Variants in FEZ1 observed in about 807,000 individuals in gnomAD.
FEZ1 encodes fasciculation and elongation protein zeta-1.
A neutral mutation model predicts 49.3 loss-of-function variants in FEZ1; 20 were observed. The ratio of observed to expected loss-of-function variants is 0.41; its 90% CI spans 0.29 to 0.59. FEZ1 has a LOEUF of 0.59. Among genes scored for constraint, FEZ1 ranks in the 20% least tolerant of loss-of-function variants. FEZ1 has a pLI of 0.36. For missense variants in FEZ1, 413 were observed against 476.0 expected, an observed-to-expected ratio of 0.87 and a Z score of 1.23; for synonymous variants, 170 against 180.9, an observed-to-expected ratio of 0.94 and a Z score of 0.48.
chr11:125,493,418 GAAA>G (rs1957411371), intron 1 of FEZ1, among the ~76,000 whole-genome samples: 2 of 38,472 alleles, frequency 5.2e-5, no homozygotes, highest in Admixed American at 2.9e-4. Flanking sequence ...AAGAAAGAAA[GAAA>G]GAAGGAAAGA....
rs1956870085 is a variant in FEZ1 at position 125,443,046 on chromosome 11, G to A, written c.*3049C>T. 6.6e-6 allele frequency among the ~76,000 whole-genome samples: 1 copy of A among 152,044 alleles called. No individual in the cohort carries two copies. Among genetic ancestry groups the A allele is most frequent in the Non-Finnish European group, 1.5e-5 (1 of 67,994 alleles). On this transcript the variant is annotated 3_prime_UTR_variant, in exon 10 of 10. Transcript: ENST00000278919. ...CCACCACGCCCGGCCCTGTGGTGGA[G>A]TTTTCTTACCAGAACTTGACCAGAC... is the stretch of plus-strand genomic sequence containing the variant.
At chr11:125,455,756 C>T (rs1342655895) in intron 6 of FEZ1, 79 bp downstream of exon 6, 1 of 1,458,084 alleles carries the variant, frequency 6.9e-7, no homozygotes, top group Non-Finnish European at 9.6e-7. Context: ...GATGAGTCCC[C>T]TGCAGGGTTG....
At chr11:125,484,061 C>T (rs1444626558) in intron 2 of FEZ1, among the ~76,000 whole-genome samples, 2 of 152,106 alleles carry the variant, frequency 1.3e-5, no homozygotes, top group Non-Finnish European at 2.9e-5. Flanking sequence ...TACTTTTTAT[C>T]CTTTGAAGTT....
At chr11:125,463,968 A>T (rs976264939) in intron 3 of FEZ1, among the ~76,000 whole-genome samples, 3 of 152,150 alleles carry the variant, frequency 2.0e-5, no homozygotes, top group African/African-American at 7.2e-5. Flanking sequence ...AGGAGTTCCA[A>T]CCTGGGGGGT....
In FEZ1 at chr11:125,455,982, C is replaced by G. The variant is rs1957006902; in HGVS notation, c.792G>C (p.Lys264Asn). ...LARRDELEFEKEVKNSFITVL... is the reference protein window; with the variant it reads ...LARRDELEFENEVKNSFITVL... Reference sequence around the variant, plus strand: ...CCGTGATAAAGGAGTTCTTCACTTCCTTCTCAAACTCCAGCTCGTCCCGGC... The same window carrying G: ...CCGTGATAAAGGAGTTCTTCACTTCGTTCTCAAACTCCAGCTCGTCCCGGC... The change falls in exon 6 of 10, where the codon AAG (lysine) becomes AAC (asparagine). Residue 264 changes from lysine (K) to asparagine (N), a missense_variant. Transcript: ENST00000278919. 1 of 1,613,540 alleles carries G rather than the reference C, an allele frequency of 6.2e-7. No individual in the cohort carries two copies. The highest frequency in any genetic ancestry group is 1.3e-5 in the African/African-American group (1 of 74,822).
rs1451406173 is a variant in FEZ1 at position 125,495,551 on chromosome 11, A to G, written c.-46+570T>C. ...TGCGGCCGCTGCCAGCGGTTCTGAC[A>G]CTGCAGGAATGCGCGGTCTGGGGAA... is the stretch of plus-strand genomic sequence containing the variant. On this transcript the variant is annotated intron_variant, in intron 1 of 9. Coordinates refer to ENST00000278919, the MANE Select transcript of FEZ1 (RefSeq NM_005103.5). This position sits in a 1 kb window ranked among gnomAD's most constrained non-coding sequence, Gnocchi z 4.2. 2.1e-6 allele frequency: 1 copy of G among 471,082 alleles called. No homozygotes were observed. Among genetic ancestry groups the G allele is most frequent in the East Asian group, 7.0e-5 (1 of 14,386 alleles). 29.2% of individuals were successfully genotyped at this position (471,082 alleles called of 1,614,324 possible). A position where few individuals can be genotyped will look rare whatever the true frequency, so the allele number is the denominator to read the frequency against.
chr11:125,477,737 C>T (rs922582153), intron 3 of FEZ1, among the ~76,000 whole-genome samples: 41 of 152,110 alleles, frequency 2.7e-4, no homozygotes, highest in African/African-American at 9.9e-4. Flanking sequence ...ACTGTTTACC[C>T]CATCTCGCCA....
chr11:125,489,875 T>C lies in FEZ1; in HGVS notation c.-45-53A>G, dbSNP rs190674090. 2.8e-6 allele frequency: 4 copies of C among 1,410,768 alleles called. No individual in the cohort carries two copies. The highest frequency in any genetic ancestry group is 2.0e-4 in the Middle Eastern group (1 of 4,960). 87.4% of individuals were successfully genotyped at this position (1,410,768 alleles called of 1,614,324 possible). A position where few individuals can be genotyped will look rare whatever the true frequency, so the allele number is the denominator to read the frequency against. On this transcript the variant is annotated intron_variant, in intron 1 of 9. Coordinates refer to ENST00000278919, the MANE Select transcript of FEZ1 (RefSeq NM_005103.5). This position sits in a 1 kb window ranked among gnomAD's most constrained non-coding sequence, Gnocchi z 4.2. ...GTTTAGACCAGGCTAATCTAAATAA[T>C]AGAGTTAACTTTAGAGACACACCTG...
At position 125,446,010 on chromosome 11, in the gene FEZ1, A is replaced by C; in HGVS notation, c.*85T>G. On this transcript the variant is annotated 3_prime_UTR_variant, in exon 10 of 10. Coordinates refer to ENST00000278919, the MANE Select transcript of FEZ1 (RefSeq NM_005103.5). ...CTATACACGTTTAAATACATGTCGG[A>C]GGTTACATGGTCTCATGCAGTCCCT... 1 of 1,295,204 alleles carries C rather than the reference A, an allele frequency of 7.7e-7. No homozygotes were observed. Among genetic ancestry groups the C allele is most frequent in the South Asian group, 1.2e-5 (1 of 84,508 alleles). The allele number at this position is 1,295,204 out of a possible 1,614,324, so 80.2% of individuals were successfully genotyped here. A position where few individuals can be genotyped will look rare whatever the true frequency, so the allele number is the denominator to read the frequency against.
At chr11:125,461,154 G>T (rs1032579349) in intron 4 of FEZ1, among the ~76,000 whole-genome samples, 1 of 152,166 alleles carries the variant, frequency 6.6e-6, no homozygotes, top group Non-Finnish European at 1.5e-5. Context: ...AACTGAAGCT[G>T]CCCAGCAACA....
intron 6 of FEZ1, among the ~76,000 whole-genome samples, chr11:125,454,797 C>T (rs970829691): frequency 2.6e-5 from 4 of 151,832 alleles, no homozygotes; most frequent in Non-Finnish European, 4.4e-5. Context: ...GGGGAGATCA[C>T]GAGGTGAGGA....
chr11:125,475,309 CACAT>C (rs1270152357), intron 3 of FEZ1, among the ~76,000 whole-genome samples: 1 of 143,702 alleles, frequency 7.0e-6, no homozygotes, highest in Admixed American at 7.0e-5. Flanking sequence ...CACACACACA[CACAT>C]TGTAAATAAT....
Position 125,495,699 on chromosome 11 carries a change from C to G in FEZ1, c.-46+422G>C. ...GGTCCCGGGACGAGGTACCGACCCA[C>G]TGCCCCAGCGCGATCGGGCGGCGTT... is the stretch of plus-strand genomic sequence containing the variant. On this transcript the variant is annotated intron_variant, in intron 1 of 9. Coordinates refer to ENST00000278919, the MANE Select transcript of FEZ1 (RefSeq NM_005103.5). The surrounding 1 kb of genome is among the most constrained non-coding windows in gnomAD (Gnocchi z 4.2). 1 of 368,876 alleles carries G rather than the reference C, an allele frequency of 2.7e-6. No individual in the cohort carries two copies. Among genetic ancestry groups the G allele is most frequent in the South Asian group, 2.0e-5 (1 of 50,278 alleles). The allele number at this position is 368,876 out of a possible 1,614,324, so 22.9% of individuals were successfully genotyped here. A position where few individuals can be genotyped will look rare whatever the true frequency, so the allele number is the denominator to read the frequency against.
At chr11:125,468,168 C>T (rs946981524) in intron 3 of FEZ1, among the ~76,000 whole-genome samples, 11 of 152,128 alleles carry the variant, frequency 7.2e-5, no homozygotes, top group African/African-American at 2.7e-4. Flanking sequence ...TTGCATCATC[C>T]ACATAATAAC....
In FEZ1 at chr11:125,489,943, C is replaced by T. The variant is rs140379640; in HGVS notation, c.-45-121G>A. 4.9e-4 allele frequency: 424 copies of T among 856,748 alleles called. No individual in the cohort carries two copies. The highest frequency in any genetic ancestry group is 1.1e-3 in the Middle Eastern group (3 of 2,746). 53.1% of individuals were successfully genotyped at this position (856,748 alleles called of 1,614,324 possible). ...CAAAAAACAAGGCACTGGTTAAGTACGAAGCTCCTGGACAAGATCGTCTAG... is the reference window on the plus strand; with the variant it reads ...CAAAAAACAAGGCACTGGTTAAGTATGAAGCTCCTGGACAAGATCGTCTAG... On this transcript the variant is annotated intron_variant, in intron 1 of 9. Coordinates refer to ENST00000278919, the MANE Select transcript of FEZ1 (RefSeq NM_005103.5). This position sits in a 1 kb window ranked among gnomAD's most constrained non-coding sequence, Gnocchi z 4.2.
Position 125,488,658 on chromosome 11 carries a change from C to T in FEZ1, c.311+809G>A, listed in dbSNP as rs952419859. 75 of 940,738 alleles carry T rather than the reference C, an allele frequency of 8.0e-5. 1 individual carries two copies. In the East Asian group the frequency reaches 1.2e-3, roughly 15 times the overall value. 58.3% of individuals were successfully genotyped at this position (940,738 alleles called of 1,614,324 possible). A position where few individuals can be genotyped will look rare whatever the true frequency, so the allele number is the denominator to read the frequency against. On this transcript the variant is annotated intron_variant, in intron 2 of 9. Coordinates refer to ENST00000278919, the MANE Select transcript of FEZ1 (RefSeq NM_005103.5). ...TTGTGCCATTGCACTCCAGCCTGGG[C>T]GATAGAATGAAACTTCATCTCAAAA...
At chr11:125,474,507 T>A (rs1957211897) in intron 3 of FEZ1, among the ~76,000 whole-genome samples, 1 of 152,120 alleles carries the variant, frequency 6.6e-6, no homozygotes. Flanking sequence ...CAAAAGATAA[T>A]GTTAAGAAAA....
chr11:125,481,675 C>T (rs780191332), intron 2 of FEZ1, 42 bp from the exon 3 acceptor site: 1 of 1,343,090 alleles, frequency 7.4e-7, no homozygotes, highest in African/African-American at 1.4e-5. Flanking sequence ...CATCTGTGGC[C>T]TGGCCCCGCC....
intron 8 of FEZ1, among the ~76,000 whole-genome samples, chr11:125,448,941 A>ACG (rs1188955266): frequency 1.3e-5 from 2 of 152,114 alleles, no homozygotes; most frequent in East Asian, 3.9e-4. Context: ...GAGAGGCATC[A>ACG]CGCAATATGC....
Sources: gnomAD v4.1 joint callset for allele counts (sites outside exome capture counted in the v4.1 genomes callset) on GRCh38, gnomAD v4.1.1 for gene constraint, Gnocchi (gnomAD v3.1) non-coding constraint, MANE v1.5 for transcripts, NCBI Gene and HGNC (gene_info 2026-07-23, HGNC 2026-07-21) for gene names.